CIT: variants seen among roughly 807,000 people sequenced by gnomAD.
CIT encodes citron Rho-interacting kinase.
In CIT, 79 loss-of-function variants were observed where a neutral mutation model predicts 272.7. That is an observed-to-expected ratio of 0.29 (90% CI 0.24 to 0.35). CIT has a LOEUF of 0.35. Among genes scored for constraint, CIT ranks in the 10% least tolerant of loss-of-function variants. The pLI is 1.00. For synonymous variants in CIT, 948 were observed against 995.6 expected (o/e 0.95, Z 0.90); for missense variants, 1,909 against 2,618.3 (o/e 0.73, Z 5.91).
At chr12:119,735,102 T>A (rs1156684448) in intron 25 of CIT, 58 bp downstream of exon 25, 4 of 1,558,004 alleles carry the variant, frequency 2.6e-6, no homozygotes, top group Admixed American at 3.4e-5. Context: ...CACCAAGCAC[T>A]CCTAAAATCC....
Position 119,713,713 on chromosome 12 carries a change from G to A in CIT, c.4307-65C>T. ...TGACCCTGGACCCTTCCCTTCCTCT[G>A]CCAGCCAACGCCTGGGCTTCTCTAC... On this transcript the variant is annotated intron_variant, in intron 33 of 47. Coordinates refer to ENST00000392521, the MANE Select transcript of CIT (RefSeq NM_001206999.2). The surrounding 1 kb of genome is among the most constrained non-coding windows in gnomAD (Gnocchi z 5.2). The A allele has an allele frequency of 6.5e-7, 1 of 1,541,532 alleles. No homozygotes were observed. The highest frequency in any genetic ancestry group is 9.0e-7 in the Non-Finnish European group (1 of 1,115,132).
chr12:119,772,934 G>A (rs980761647), intron 16 of CIT, 24 bp from the exon 17 acceptor site: 2 of 1,594,636 alleles, frequency 1.3e-6, no homozygotes, highest in East Asian at 2.3e-5. Flanking sequence ...AGGAAAAGGA[G>A]ATAGGTGGGC....
intron 9 of CIT, among the ~76,000 whole-genome samples, chr12:119,810,277 T>C (rs1566076377): frequency 1.3e-5 from 2 of 152,206 alleles, no homozygotes; most frequent in Non-Finnish European, 2.9e-5. Flanking sequence ...TGGTGTCCAC[T>C]GCAGAACTTA....
chr12:119,761,998 T>C (rs938452170), intron 19 of CIT, among the ~76,000 whole-genome samples: 1 of 152,150 alleles, frequency 6.6e-6, no homozygotes, highest in African/African-American at 2.4e-5. Context: ...AGAGGCTCCA[T>C]TCGACTTTTC....
chr12:119,722,932 G>A (rs1957879573), intron 28 of CIT, among the ~76,000 whole-genome samples: 1 of 152,070 alleles, frequency 6.6e-6, no homozygotes, highest in African/African-American at 2.4e-5. Context: ...GCTCACACCT[G>A]AAATCCCAGG....
Position 119,784,887 on chromosome 12 carries a change from G to A in CIT, c.1401+73C>T, listed in dbSNP as rs552180458. The A allele has an allele frequency of 2.4e-4, 370 of 1,570,880 alleles. 6 individuals are homozygous for A. The South Asian group carries it at 3.7e-3, about 16-fold the overall frequency. ...GCGGCTCAGAGCCAGCAGCGGCCCC[G>A]GGCGGATCCCTTGGCATATACGGAC... On this transcript the variant is annotated intron_variant, in intron 11 of 47. Transcript: ENST00000392521. This position sits in a 1 kb window ranked among gnomAD's most constrained non-coding sequence, Gnocchi z 4.7.
intron 28 of CIT, among the ~76,000 whole-genome samples, chr12:119,723,234 C>A (rs763524549): frequency 4.0e-5 from 6 of 151,866 alleles, no homozygotes; most frequent in Non-Finnish European, 5.9e-5. Context: ...TAGTTTCTTC[C>A]CACTATTTTA....
chr12:119,857,610 A>C lies in CIT; in HGVS notation c.327T>G (p.Ala109=), dbSNP rs1483318701. Residue 109 remains alanine (A), a synonymous_variant, in exon 4 of 48, where the codon GCT becomes GCG. Coordinates refer to ENST00000392521, the MANE Select transcript of CIT (RefSeq NM_001206999.2). ...VRSLVGCGHF[A]EVQVVREKAT... is the part of the protein sequence containing the mutation. ...CTTTCTCTCTTACCACCTGCACTTC[A>C]GCAAAGTGACCACAACCTACAAGAC... is the stretch of plus-strand genomic sequence containing the variant. The C allele has an allele frequency of 6.2e-7, 1 of 1,614,078 alleles. No homozygotes were observed. The highest frequency in any genetic ancestry group is 8.5e-7 in the Non-Finnish European group (1 of 1,180,040).
At position 119,763,931 on chromosome 12, in the gene CIT, T is replaced by A. The variant is rs1566007511; in HGVS notation, c.2305-2876A>T. ...CTTGAAAATGATTTAAAATGCTAGA[T>A]AAAATATAAAAAACATTTTCCCAAA... On this transcript the variant is annotated intron_variant, in intron 19 of 47. Coordinates refer to ENST00000392521, the MANE Select transcript of CIT (RefSeq NM_001206999.2). Among the ~76,000 whole-genome samples, 3 of 152,164 alleles carry A rather than the reference T, an allele frequency of 2.0e-5. No individual in the cohort carries two copies. In the East Asian group the frequency reaches 5.8e-4, roughly 29 times the overall value.
chr12:119,875,629 C>T (rs1203532350), intron 2 of CIT, among the ~76,000 whole-genome samples: 1 of 152,122 alleles, frequency 6.6e-6, no homozygotes, highest in East Asian at 1.9e-4. Context: ...CTAGAGTCGA[C>T]AGAAGACCTT....
At chr12:119,829,911 G>C (rs891919338) in intron 7 of CIT, among the ~76,000 whole-genome samples, 1 of 151,946 alleles carries the variant, frequency 6.6e-6, no homozygotes, top group Non-Finnish European at 1.5e-5. Context: ...ATAGGGAAGG[G>C]ATTGATTGAT....
intron 20 of CIT, among the ~76,000 whole-genome samples, chr12:119,759,031 T>C (rs1472526931): frequency 1.3e-5 from 2 of 152,188 alleles, no homozygotes; most frequent in African/African-American, 4.8e-5. Flanking sequence ...GCAAGTCTCT[T>C]AACTCAAATC....
At chr12:119,790,769 T>C (rs1016266175) in intron 10 of CIT, among the ~76,000 whole-genome samples, 22 of 152,096 alleles carry the variant, frequency 1.4e-4, no homozygotes, top group African/African-American at 5.3e-4. Context: ...CTGCTCAACA[T>C]CCTACAATCC....
Position 119,770,833 on chromosome 12 carries a change from G to C in CIT, c.2160C>G (p.Asp720Glu), listed in dbSNP as rs775879472. The change falls in exon 18 of 48, where the codon GAC becomes GAG. Residue 720 changes from aspartate (D) to glutamate (E), a missense_variant. Physicochemically the swap from Asp to Glu is conservative, Grantham distance 45. Around this residue, in one of 8 missense-constraint regions of CIT, gnomAD observed 530 missense variants for 822.4 expected, o/e 0.64. Transcript: ENST00000392521. This position sits in a 1 kb window ranked among gnomAD's most constrained non-coding sequence, Gnocchi z 4.4. ...MERRENRLKD[D>E]IQTKSQQIQQ... ...GGATCTGTTGGGATTTTGTCTGGAT[G>C]TCATCCTTCAGTCTGTTTTCTCTAC... The C allele has an allele frequency of 6.2e-7, 1 of 1,612,854 alleles. No individual in the cohort carries two copies. Among genetic ancestry groups the C allele is most frequent in the Non-Finnish European group, 8.5e-7 (1 of 1,179,868 alleles).
At chr12:119,709,783 AGAGAGTGTGTGTGTGTGT>A (rs1357411224) in intron 39 of CIT, among the ~76,000 whole-genome samples, 16 of 54,748 alleles carry the variant, frequency 2.9e-4, no homozygotes, top group Admixed American at 2.7e-3. Context: ...AGAGAGAGAG[AGAGAGTGTGTGTGTGTGT>A]GTGTGTGTGT....
In CIT at chr12:119,772,793, T is replaced by G; in HGVS notation, c.2059A>C (p.Arg687=). 6.2e-7 allele frequency: 1 copy of G among 1,613,650 alleles called. No homozygotes were observed. The highest frequency in any genetic ancestry group is 1.1e-5 in the South Asian group (1 of 91,058). Residue 687 remains arginine (R), a synonymous_variant, in exon 17 of 48, where the codon AGA becomes CGA. Coordinates refer to ENST00000392521, the MANE Select transcript of CIT (RefSeq NM_001206999.2). ...QNREDSSEGI[R]KKLVEAEERR... ...ACCTCAGCTTCCACCAGCTTCTTTC[T>G]GATGCCTTCAGAAGAATCCTCTCGG...
intron 25 of CIT, among the ~76,000 whole-genome samples, chr12:119,734,569 A>AG (rs1323863166): frequency 6.6e-6 from 1 of 152,206 alleles, no homozygotes; most frequent in African/African-American, 2.4e-5. Context: ...AAGCAAAGCC[A>AG]GGGGAAGTGA....
intron 9 of CIT, among the ~76,000 whole-genome samples, chr12:119,817,803 G>C (rs1967334445): frequency 6.6e-6 from 1 of 151,542 alleles, no homozygotes; most frequent in African/African-American, 2.4e-5. Flanking sequence ...GGCTGGGCAT[G>C]GTGGCTCATA....
At chr12:119,832,950 T>G in intron 6 of CIT, 86 bp from the exon 7 acceptor site, 1 of 952,408 alleles carries the variant, frequency 1.0e-6, no homozygotes, top group Non-Finnish European at 1.7e-6. Flanking sequence ...GAGCCAAAAA[T>G]CTTTGTTTAT....
Sources: allele counts gnomAD v4.1 joint callset (sites outside exome capture counted in the v4.1 genomes callset), GRCh38; gene constraint gnomAD v4.1.1; regional missense constraint gnomAD v4.1.1; non-coding constraint Gnocchi (gnomAD v3.1); transcripts MANE v1.5; gene names NCBI Gene and HGNC (gene_info 2026-07-23, HGNC 2026-07-21).